The following CACNA2D4 variants were observed in gnomAD, a reference collection of about 807,000 sequenced individuals.
The protein encoded by CACNA2D4 is voltage-dependent calcium channel subunit alpha-2/delta-4.
In CACNA2D4, 157 loss-of-function variants were observed where a neutral mutation model predicts 163.8. That is an observed-to-expected ratio of 0.96 (90% confidence interval 0.84 to 1.09). CACNA2D4 has a LOEUF of 1.09. Among genes scored for constraint, CACNA2D4 ranks in the 50% least tolerant of loss-of-function variants. The pLI, the probability that CACNA2D4 is intolerant of heterozygous loss-of-function variation, is 0.00. For synonymous variants in CACNA2D4, 598 were observed against 586.9 expected, an observed-to-expected ratio of 1.02 and a Z score of -0.27; for missense variants, 1,410 against 1,479.9, an observed-to-expected ratio of 0.95 and a Z score of 0.78.
intron 6 of CACNA2D4, among the ~76,000 whole-genome samples, chr12:1,889,582 C>A (rs894231354): frequency 2.0e-5 from 2 of 99,800 alleles, no homozygotes; most frequent in South Asian, 3.0e-4. Flanking sequence ...CCTCAGCCGC[C>A]CCCCCCAGTA....
chr12:1,835,422 TACACAC>T (rs137889817), intron 26 of CACNA2D4: 4 of 150,536 alleles, frequency 2.7e-5, no homozygotes, highest in South Asian at 2.1e-4. Context: ...AAAGAATTAA[TACACAC>T]ACACACACAC....
At position 1,874,325 on chromosome 12, in the gene CACNA2D4, G is replaced by A. The variant is rs779953479; in HGVS notation, c.1878+279C>T. On this transcript the variant is annotated intron_variant, in intron 18 of 37. Transcript: ENST00000382722. The surrounding 1 kb of genome is among the most constrained non-coding windows in gnomAD (Gnocchi z 4.4). The stretch of plus-strand genomic sequence containing the variant: ...AAAGGGCCAGTAGCAGGCAGCATAA[G>A]GAGGAAAGAAGAGCTGTAAATGCCT... Among the ~76,000 whole-genome samples, 2 of 152,208 alleles carry A rather than the reference G, an allele frequency of 1.3e-5. No individual in the cohort carries two copies. Among genetic ancestry groups the A allele is most frequent in the Non-Finnish European group, 2.9e-5 (2 of 68,046 alleles).
Position 1,873,283 on chromosome 12 carries a change from C to T in CACNA2D4, c.1878+1321G>A, listed in dbSNP as rs892186469. On this transcript the variant is annotated intron_variant, in intron 18 of 37. Coordinates refer to ENST00000382722, the MANE Select transcript of CACNA2D4 (RefSeq NM_172364.5). ...TGAACGTTCTTTATGTTGAAGCACCCGTATATCAGGAAGCCTTTGCGAAAT... is the reference window on the plus strand; with the variant it reads ...TGAACGTTCTTTATGTTGAAGCACCTGTATATCAGGAAGCCTTTGCGAAAT... Among the ~76,000 whole-genome samples, 11 of 152,100 alleles carry T rather than the reference C, an allele frequency of 7.2e-5. No individual in the cohort carries two copies. In the East Asian group the frequency reaches 7.7e-4, roughly 11 times the overall value.
chr12:1,841,181 C>T (rs1488378064), intron 25 of CACNA2D4, among the ~76,000 whole-genome samples: 1 of 152,216 alleles, frequency 6.6e-6, no homozygotes, highest in Non-Finnish European at 1.5e-5. Flanking sequence ...TGCATTTCAG[C>T]ACTGGGTGGT....
chr12:1,860,995 C>T (rs761893598), intron 18 of CACNA2D4, among the ~76,000 whole-genome samples: 12 of 152,208 alleles, frequency 7.9e-5, no homozygotes, highest in Non-Finnish European at 1.5e-4. Context: ...CTCTCTTGCA[C>T]GAGGCTGCCG....
Position 1,799,719 on chromosome 12 carries a change from C to T in CACNA2D4, c.2975-24G>A. 3 of 1,567,370 alleles carry T rather than the reference C, an allele frequency of 1.9e-6. No individual in the cohort carries two copies. The highest frequency in any genetic ancestry group is 2.6e-6 in the Non-Finnish European group (3 of 1,156,438). On this transcript the variant is annotated intron_variant, in intron 33 of 37. Transcript: ENST00000382722. This position sits in a 1 kb window ranked among gnomAD's most constrained non-coding sequence, Gnocchi z 4.7. ...GGCTGGCCGGAACATAAGCCCAGCACAGGGTGGACACGGCACAGGAAAACA... is the reference window on the plus strand; with the variant it reads ...GGCTGGCCGGAACATAAGCCCAGCATAGGGTGGACACGGCACAGGAAAACA...
At chr12:1,871,171 G>A (rs1386687812) in intron 18 of CACNA2D4, among the ~76,000 whole-genome samples, 1 of 147,994 alleles carries the variant, frequency 6.8e-6, no homozygotes, top group African/African-American at 2.6e-5. Flanking sequence ...CTGCTGGTGT[G>A]TGCCTGTGTA....
In CACNA2D4 at chr12:1,829,137, GC is replaced by G. The variant is rs1416125302; in HGVS notation, c.2551+11601del. 4.6e-5 allele frequency among the ~76,000 whole-genome samples: 7 copies of G among 152,176 alleles called. No individual in the cohort carries two copies. Among genetic ancestry groups the G allele is most frequent in the African/African-American group, 7.2e-5 (3 of 41,420 alleles). On this transcript the variant is annotated intron_variant, in intron 26 of 37. Transcript: ENST00000382722. The surrounding 1 kb of genome is among the most constrained non-coding windows in gnomAD (Gnocchi z 4.2). ...GGGCTTATGTTTTCTTGTCACTGGA[GC>G]TTTTATGCCACCTTGATCTCCAGGG...
chr12:1,800,575 G>T, intron 31 of CACNA2D4, 137 bp from the exon 32 acceptor site: 4 of 820,178 alleles, frequency 4.9e-6, no homozygotes, highest in Non-Finnish European at 8.0e-6. Context: ...CAGAGCACAG[G>T]CCAGCAGCCC....
chr12:1,864,554 AGCAGCTCT>A (rs1014322957), intron 18 of CACNA2D4, among the ~76,000 whole-genome samples: 5 of 152,340 alleles, frequency 3.3e-5, no homozygotes, highest in African/African-American at 1.2e-4. Context: ...CAGAGACCCC[AGCAGCTCT>A]GTGCCTGCTG....
intron 23 of CACNA2D4, among the ~76,000 whole-genome samples, chr12:1,848,080 C>T (rs1352698517): frequency 1.3e-5 from 2 of 152,184 alleles, no homozygotes; most frequent in Non-Finnish European, 2.9e-5. Context: ...AATTCACCCA[C>T]CTAAAGTGTG....
At chr12:1,902,461 A>G (rs1307327415) in intron 6 of CACNA2D4, among the ~76,000 whole-genome samples, 1 of 152,050 alleles carries the variant, frequency 6.6e-6, no homozygotes, top group Non-Finnish European at 1.5e-5. Context: ...TTATATTAGG[A>G]AAACCTAAAG....
In CACNA2D4 at chr12:1,815,694, T is replaced by A. The variant is rs1025140226; in HGVS notation, c.2552-3971A>T. On this transcript the variant is annotated intron_variant, in intron 26 of 37. Transcript: ENST00000382722. Reference sequence around the variant, plus strand: ...GCCACTTGACGGGGAAGCCGAATTCTACCAGGTCTCACTGTCCCTTCCCTC... The same window carrying A: ...GCCACTTGACGGGGAAGCCGAATTCAACCAGGTCTCACTGTCCCTTCCCTC... 2.0e-5 allele frequency among the ~76,000 whole-genome samples: 3 copies of A among 152,170 alleles called. 1 individual carries two copies. The highest frequency in any genetic ancestry group is 7.2e-5 in the African/African-American group (3 of 41,412).
chr12:1,913,200 G>A, intron 2 of CACNA2D4, 61 bp from the exon 3 acceptor site: 1 of 1,143,386 alleles, frequency 8.7e-7, no homozygotes, highest in Non-Finnish European at 1.3e-6. Context: ...AGTTGCACCT[G>A]TGTATGCATG....
At chr12:1,912,073 G>A (rs1425246374) in intron 3 of CACNA2D4, among the ~76,000 whole-genome samples, 2 of 152,234 alleles carry the variant, frequency 1.3e-5, no homozygotes, top group East Asian at 3.9e-4. Flanking sequence ...TCCTCCCAGA[G>A]TGGGGGTTGT....
intron 26 of CACNA2D4, among the ~76,000 whole-genome samples, chr12:1,817,057 T>C (rs1048765309): frequency 3.3e-5 from 5 of 152,222 alleles, no homozygotes; most frequent in African/African-American, 1.2e-4. Context: ...CTCCTCTGTC[T>C]TGAGAACCTA....
intron 29 of CACNA2D4, chr12:1,809,637 C>A (rs1005847631): frequency 2.9e-6 from 2 of 690,356 alleles, no homozygotes; most frequent in Admixed American, 4.2e-5. Context: ...TGTACTTTCT[C>A]TTTTTCCTTT....
Position 1,879,828 on chromosome 12 carries a change from T to C in CACNA2D4, c.1539A>G (p.Pro513=). 1 of 1,603,422 alleles carries C rather than the reference T, an allele frequency of 6.2e-7. No homozygotes were observed. The highest frequency in any genetic ancestry group is 8.5e-7 in the Non-Finnish European group (1 of 1,175,074). ...CCGTTTCGTTCTTCTTGCTGAAGAC[T>C]GGCATGGCCACAGTGGTGAGCAGTG... The part of the protein sequence containing the change: ...SLTLLTTVAM[P]VFSKKNETRS... The change falls in exon 14 of 38, where the codon CCA becomes CCG. Residue 513 remains proline (P), a synonymous_variant. Transcript: ENST00000382722.
intron 35 of CACNA2D4, chr12:1,796,094 C>T: frequency 3.6e-6 from 1 of 277,804 alleles, no homozygotes; most frequent in Non-Finnish European, 6.9e-6. Context: ...TAAATCAAGA[C>T]CGTCCGGAGC....
Sources: gnomAD v4.1 joint callset for allele counts (sites outside exome capture counted in the v4.1 genomes callset) on GRCh38, gnomAD v4.1.1 for gene constraint, Gnocchi (gnomAD v3.1) non-coding constraint, MANE v1.5 for transcripts, NCBI Gene and HGNC (gene_info 2026-07-23, HGNC 2026-07-21) for gene names.